The following ABT1 variants were observed in gnomAD, a reference collection of about 807,000 sequenced individuals.
ABT1 encodes the protein activator of basal transcription 1, also known as TATA-binding protein-binding protein.
ABT1 carries 13 observed loss-of-function variants against 14.0 expected under a neutral mutation model. That is an observed-to-expected ratio of 0.93 (90% CI 0.61 to 1.48). The LOEUF is 1.48. Ranked by LOEUF, ABT1 falls within the 40% of genes most tolerant of loss-of-function variation. The probability of loss-of-function intolerance (pLI) is 0.00; values close to 1 mark genes in which losing one functional copy is unlikely to be tolerated. For synonymous variants in ABT1, 165 were observed against 144.6 expected, an observed-to-expected ratio of 1.14 and a Z score of -1.01; for missense variants, 430 against 380.0, an observed-to-expected ratio of 1.13 and a Z score of -1.09.
In ABT1 at chr6:26,600,012, G is replaced by T. The variant is rs1286308410; in HGVS notation, c.*1367G>T. ...TAATCACATTATGATCTTGACAGGT[G>T]CACTTTACTGGGGAGAATAAAAAGG... On this transcript the variant is annotated 3_prime_UTR_variant, in exon 3 of 3. Transcript: ENST00000274849. 3 of 152,196 alleles carry T rather than the reference G, an allele frequency of 2.0e-5. No homozygotes were observed. The highest frequency in any genetic ancestry group is 7.2e-5 in the African/African-American group (3 of 41,442). The allele number at this position is 152,196 out of a possible 1,614,324, so 9.4% of individuals were successfully genotyped here. A position where few individuals can be genotyped will look rare whatever the true frequency, so the allele number is the denominator to read the frequency against.
chr6:26,598,549 C>A lies in ABT1; in HGVS notation c.723C>A (p.Asp241Glu). 6.2e-7 allele frequency: 1 copy of A among 1,612,476 alleles called. No homozygotes were observed. Residue 241 changes from aspartate to glutamate, a missense_variant, in exon 3 of 3, where the codon GAC becomes GAA. Coordinates refer to ENST00000274849, the MANE Select transcript of ABT1 (RefSeq NM_013375.4). Reference protein sequence around the residue: ...RERARLATAQDKARSNKGLLA... With the variant: ...RERARLATAQEKARSNKGLLA... ...GGGCTCGCCTGGCAACTGCCCAGGA[C>A]AAGGCCCGCTCCAACAAAGGGCTCC...
At chr6:26,597,339 G>T (rs941327229) in intron 1 of ABT1, 116 bp downstream of exon 1, 77 of 1,517,628 alleles carry the variant, frequency 5.1e-5, no homozygotes, top group Non-Finnish European at 6.6e-5. Context: ...GCTGGATTTT[G>T]GGGGTGGGGA....
rs781870492 is a variant in ABT1 at position 26,598,262 on chromosome 6, C to T, written c.439-3C>T. 6.2e-7 allele frequency: 1 copy of T among 1,608,066 alleles called. No individual in the cohort carries two copies. The highest frequency in any genetic ancestry group is 1.1e-5 in the South Asian group (1 of 90,946). On this transcript the variant is annotated splice_region_variant and splice_polypyrimidine_tract_variant and intron_variant, in intron 2 of 2. Coordinates refer to ENST00000274849, the MANE Select transcript of ABT1 (RefSeq NM_013375.4). ...CTGATCTTTTCTTCTTTTCTGCCCA[C>T]AGTACTTGCACCGTTTCACCTGGTC...
At position 26,597,102 on chromosome 6, in the gene ABT1, G is replaced by T. The variant is rs1554144553; in HGVS notation, c.120G>T (p.Lys40Asn). Residue 40 changes from lysine (K) to asparagine (N), a missense_variant, in exon 1 of 3, where the codon AAG becomes AAT. Physicochemically the swap from Lys to Asn is moderately conservative, Grantham distance 94 (BLOSUM62 0). Coordinates refer to ENST00000274849, the MANE Select transcript of ABT1 (RefSeq NM_013375.4). ...CCGAAGAAGCGGCCTGTGGCAGCAA[G>T]AAACGGGTAGTGCCAGGTATTGTGT... ...EESEEAACGS[K>N]KRVVPGIVYL... 6.2e-7 allele frequency: 1 copy of T among 1,613,964 alleles called. No individual in the cohort carries two copies. The highest frequency in any genetic ancestry group is 8.5e-7 in the Non-Finnish European group (1 of 1,179,968).
At position 26,597,095 on chromosome 6, in the gene ABT1, G is replaced by A. The variant is rs1554144551; in HGVS notation, c.113G>A (p.Gly38Asp). The change falls in exon 1 of 3, where the codon GGC (glycine) becomes GAC (aspartate). Residue 38 changes from glycine (G) to aspartate (D), a missense_variant. Gly to Asp is a moderately conservative substitution (Grantham distance 94). Coordinates refer to ENST00000274849, the MANE Select transcript of ABT1 (RefSeq NM_013375.4). Reference protein sequence around the residue: ...EQEESEEAACGSKKRVVPGIV... With the variant: ...EQEESEEAACDSKKRVVPGIV... ...GAGGAATCCGAAGAAGCGGCCTGTG[G>A]CAGCAAGAAACGGGTAGTGCCAGGT... is the stretch of plus-strand genomic sequence containing the variant. 6.2e-7 allele frequency: 1 copy of A among 1,614,082 alleles called. No homozygotes were observed. The highest frequency in any genetic ancestry group is 2.2e-5 in the East Asian group (1 of 44,880).
At position 26,597,802 on chromosome 6, in the gene ABT1, C is replaced by A. The variant is rs1052529138; in HGVS notation, c.242-112C>A. The stretch of plus-strand genomic sequence containing the variant: ...GTTCCCTTCCTCCTGGGCAAAAACT[C>A]TTCAGGTGGGACTCCCACTGGCAGA... On this transcript the variant is annotated intron_variant, in intron 1 of 2. Coordinates refer to ENST00000274849, the MANE Select transcript of ABT1 (RefSeq NM_013375.4). 43 of 1,120,086 alleles carry A rather than the reference C, an allele frequency of 3.8e-5. No individual in the cohort carries two copies. The Admixed American group carries it at 1.1e-3, about 29-fold the overall frequency. 69.4% of individuals were successfully genotyped at this position (1,120,086 alleles called of 1,614,324 possible). A position where few individuals can be genotyped will look rare whatever the true frequency, so the allele number is the denominator to read the frequency against.
chr6:26,597,454 C>T (rs1421299636), intron 1 of ABT1, among the ~76,000 whole-genome samples: 1 of 152,040 alleles, frequency 6.6e-6, no homozygotes, highest in African/African-American at 2.4e-5. Context: ...TCTGGTGGTT[C>T]TTTAGTTCTC....
rs1764925347 is a variant in ABT1 at position 26,597,973 on chromosome 6, TAC to T, written c.304_305del (p.Thr102GlnfsTer12). 5.6e-6 allele frequency: 9 copies of T among 1,614,038 alleles called. No individual in the cohort carries two copies. Among genetic ancestry groups the T allele is most frequent in the Non-Finnish European group, 7.6e-6 (9 of 1,179,962 alleles). Reference protein sequence around the residue: ...AAAAGGKKRSYTKDYTEGWVE... With the variant: ...AAAAGGKKRSXTKDYTEGWVE... Reference sequence around the variant, plus strand: ...AGCTGCCGGAGGAAAAAAGCGGTCCTACACCAAGGACTACACCGAGGGATGGG... The same window carrying T: ...AGCTGCCGGAGGAAAAAAGCGGTCCTACCAAGGACTACACCGAGGGATGGG... On this transcript the variant is annotated frameshift_variant, in exon 2 of 3. Transcript: ENST00000274849. LOFTEE classifies it high-confidence loss of function.
At position 26,598,389 on chromosome 6, in the gene ABT1, G is replaced by T; in HGVS notation, c.563G>T (p.Ser188Ile). ...CGTGAGACCGACTTCTATCTTCAAAGTGTGGAACGGGGACAACGCTTTCTT... is the reference window on the plus strand; with the variant it reads ...CGTGAGACCGACTTCTATCTTCAAATTGTGGAACGGGGACAACGCTTTCTT... Reference protein sequence around the residue: ...AKRETDFYLQSVERGQRFLAA... With the variant: ...AKRETDFYLQIVERGQRFLAA... Residue 188 changes from serine to isoleucine, a missense_variant, in exon 3 of 3, where the codon AGT (serine) becomes ATT (isoleucine). Ser to Ile is a moderately radical substitution (Grantham distance 142). Transcript: ENST00000274849. 6.2e-7 allele frequency: 1 copy of T among 1,614,282 alleles called. No homozygotes were observed. Among genetic ancestry groups the T allele is most frequent in the South Asian group, 1.1e-5 (1 of 91,090 alleles).
Position 26,598,576 on chromosome 6 carries a change from G to T in ABT1, c.750G>T (p.Leu250=). The T allele has an allele frequency of 1.2e-6, 2 of 1,603,052 alleles. No homozygotes were observed. Among genetic ancestry groups the T allele is most frequent in the South Asian group, 2.2e-5 (2 of 90,864 alleles). Residue 250 remains leucine, a synonymous_variant, in exon 3 of 3, where the codon CTG becomes CTT. Coordinates refer to ENST00000274849, the MANE Select transcript of ABT1 (RefSeq NM_013375.4). ...QDKARSNKGL[L]ARIFGAPPPS... ...AGGCCCGCTCCAACAAAGGGCTCCT[G>T]GCCAGGATCTTTGGAGCCCCGCCAC...
intron 1 of ABT1, 145 bp from the exon 2 acceptor site, chr6:26,597,769 G>C (rs1764921149): frequency 1.4e-6 from 1 of 731,952 alleles, no homozygotes; most frequent in South Asian, 2.1e-5. Context: ...GAAAGGGTGC[G>C]ATTTACAGTT....
chr6:26,597,874 G>A (rs1764922583), intron 1 of ABT1, 40 bp from the exon 2 acceptor site: 3 of 1,569,412 alleles, frequency 1.9e-6, no homozygotes, highest in Non-Finnish European at 2.6e-6. Flanking sequence ...AGTGAGTGCT[G>A]CATAGGCGTC....
At chr6:26,598,150 C>G in intron 2 of ABT1, 40 bp downstream of exon 2, 1 of 1,585,680 alleles carries the variant, frequency 6.3e-7, no homozygotes, top group Non-Finnish European at 8.6e-7. Flanking sequence ...CTCACCCTCC[C>G]TTCTCCCCAA....
intron 2 of ABT1, 27 bp downstream of exon 2, chr6:26,598,137 CCT>C (rs782587129): frequency 1.3e-6 from 2 of 1,590,130 alleles, no homozygotes; most frequent in Non-Finnish European, 1.7e-6. Context: ...TTCTGCCACA[CCT>C]CTCACCCTCC....
rs1764959714 is a variant in ABT1, at chr6:26,600,388, TGAA to T, written c.*1747_*1749del. ...GGGTTTTATTTAAGACTTTCTTGAATGAAGAAATAAATTGCATTCCCACGGTGG... is the reference window on the plus strand; with the variant it reads ...GGGTTTTATTTAAGACTTTCTTGAATGAAATAAATTGCATTCCCACGGTGG... On this transcript the variant is annotated 3_prime_UTR_variant, in exon 3 of 3. Transcript: ENST00000274849. The T allele has an allele frequency of 6.6e-6, 1 of 152,246 alleles. No homozygotes were observed. The highest frequency in any genetic ancestry group is 2.4e-5 in the African/African-American group (1 of 41,470). The allele number at this position is 152,246 out of a possible 1,614,324, so 9.4% of individuals were successfully genotyped here.
rs138547122 is a variant in ABT1 at position 26,598,526 on chromosome 6, G to C, written c.700G>C (p.Ala234Pro). 1 of 1,613,758 alleles carries C rather than the reference G, an allele frequency of 6.2e-7. No individual in the cohort carries two copies. Among genetic ancestry groups the C allele is most frequent in the Admixed American group, 1.7e-5 (1 of 60,026 alleles). The change falls in exon 3 of 3, where the codon GCT becomes CCT. Residue 234 changes from alanine to proline, a missense_variant. By Grantham distance (27) the Ala-to-Pro change is conservative. Transcript: ENST00000274849. ...KAARPGGRER[A>P]RLATAQDKAR... ...AGCACGGCCAGGGGGACGTGAACGG[G>C]CTCGCCTGGCAACTGCCCAGGACAA...
Position 26,598,578 on chromosome 6 carries a change from C to G in ABT1, c.752C>G (p.Ala251Gly). ...GCCCGCTCCAACAAAGGGCTCCTGG[C>G]CAGGATCTTTGGAGCCCCGCCACCC... ...DKARSNKGLLARIFGAPPPSE... is the reference protein window; with the variant it reads ...DKARSNKGLLGRIFGAPPPSE... The change falls in exon 3 of 3, where the codon GCC becomes GGC. Residue 251 changes from alanine to glycine, a missense_variant. Physicochemically the swap from Ala to Gly is moderately conservative, Grantham distance 60 (BLOSUM62 0). Transcript: ENST00000274849. 1 of 1,602,712 alleles carries G rather than the reference C, an allele frequency of 6.2e-7. No homozygotes were observed. The highest frequency in any genetic ancestry group is 1.1e-5 in the South Asian group (1 of 90,824).
rs552789549 is a variant in ABT1 at position 26,597,099 on chromosome 6, C to A, written c.117C>A (p.Ser39Arg). The A allele has an allele frequency of 1.9e-6, 3 of 1,613,890 alleles. No homozygotes were observed. In the African/African-American group the frequency reaches 4.0e-5, roughly 22 times the overall value. ...QEESEEAACGSKKRVVPGIVY... is the reference protein window; with the variant it reads ...QEESEEAACGRKKRVVPGIVY... ...AATCCGAAGAAGCGGCCTGTGGCAGCAAGAAACGGGTAGTGCCAGGTATTG... is the reference window on the plus strand; with the variant it reads ...AATCCGAAGAAGCGGCCTGTGGCAGAAAGAAACGGGTAGTGCCAGGTATTG... The change falls in exon 1 of 3, where the codon AGC (serine) becomes AGA (arginine). Residue 39 changes from serine to arginine, a missense_variant. Transcript: ENST00000274849.
At chr6:26,597,277 G>A (rs976164723) in intron 1 of ABT1, 54 bp downstream of exon 1, 26 of 1,592,768 alleles carry the variant, frequency 1.6e-5, no homozygotes, top group Admixed American at 1.4e-4. Flanking sequence ...CGCTGGCGGG[G>A]TGCAAGCATG....
Sources: gnomAD v4.1 joint callset for allele counts (sites outside exome capture counted in the v4.1 genomes callset) on GRCh38, gnomAD v4.1.1 for gene constraint, MANE v1.5 for transcripts, NCBI Gene and HGNC (gene_info 2026-07-23, HGNC 2026-07-21) for gene names.